The following LRMDA variants were observed in gnomAD, a reference collection of about 807,000 sequenced individuals.
The protein encoded by LRMDA is leucine-rich melanocyte differentiation-associated protein.
A neutral mutation model predicts 29.8 loss-of-function variants in LRMDA; 18 were observed. The ratio of observed to expected loss-of-function variants is 0.60; its 90% CI spans 0.42 to 0.90. The LOEUF is 0.90. LRMDA is among the 40% of genes least tolerant of loss of function. LRMDA has a pLI of 0.00. For synonymous variants in LRMDA, 125 were observed against 109.4 expected (o/e 1.14, Z -0.89); for missense variants, 273 against 273.9 (o/e 1.00, Z 0.02).
chr10:76,360,093 A>T (rs1564519702), intron 6 of LRMDA, among the ~76,000 whole-genome samples: 1 of 151,954 alleles, frequency 6.6e-6, no homozygotes, highest in Non-Finnish European at 1.5e-5. Flanking sequence ...GGTTCAAGTG[A>T]TTCTCCTGCC....
intron 2 of LRMDA, among the ~76,000 whole-genome samples, chr10:76,022,240 G>A (rs1847986165): frequency 6.6e-6 from 1 of 152,178 alleles, no homozygotes; most frequent in African/African-American, 2.4e-5. Flanking sequence ...GCCTGGCAGA[G>A]TGTCTAATCC....
rs187048423 is a variant in LRMDA, at chr10:75,587,077, G to A, written c.131+148583G>A. On this transcript the variant is annotated intron_variant, in intron 2 of 6. Transcript: ENST00000611255. ...GACCAATGTCAAGAAGCCTTTCCTC[G>A]GTGTTTTCTTCTAGGAGTTTTACAG... is the stretch of plus-strand genomic sequence containing the variant. 4.6e-5 allele frequency among the ~76,000 whole-genome samples: 7 copies of A among 151,924 alleles called. No individual in the cohort carries two copies. The South Asian group carries it at 1.0e-3, about 23-fold the overall frequency.
At chr10:76,527,418 C>T (rs944790857) in intron 6 of LRMDA, among the ~76,000 whole-genome samples, 1 of 152,150 alleles carries the variant, frequency 6.6e-6, no homozygotes, top group African/African-American at 2.4e-5. Context: ...TACATAACCT[C>T]TCTGCAGATT....
At chr10:75,800,122 T>G (rs747300692) in intron 2 of LRMDA, among the ~76,000 whole-genome samples, 1 of 152,200 alleles carries the variant, frequency 6.6e-6, no homozygotes, top group Non-Finnish European at 1.5e-5. Context: ...TTTCTTCTTT[T>G]ACCTCTGTCT....
intron 5 of LRMDA, among the ~76,000 whole-genome samples, chr10:76,309,485 G>C (rs1057143961): frequency 3.9e-5 from 6 of 152,270 alleles, no homozygotes; most frequent in Admixed American, 2.6e-4. Context: ...AGTGGGAGCA[G>C]ACTCGAGCAG....
At chr10:76,331,600 G>A (rs1393483924) in intron 6 of LRMDA, among the ~76,000 whole-genome samples, 1 of 152,226 alleles carries the variant, frequency 6.6e-6, no homozygotes, top group Non-Finnish European at 1.5e-5. Context: ...ATATGTTTTT[G>A]TCCAGGGGTC....
At chr10:75,848,424 C>T (rs868295357) in intron 2 of LRMDA, among the ~76,000 whole-genome samples, 4 of 152,116 alleles carry the variant, frequency 2.6e-5, no homozygotes, top group South Asian at 4.1e-4. Flanking sequence ...GGAGTGGAGG[C>T]CCATTGCTTC....
At chr10:75,933,150 A>G (rs992316851) in intron 2 of LRMDA, among the ~76,000 whole-genome samples, 1 of 152,144 alleles carries the variant, frequency 6.6e-6, no homozygotes, top group Admixed American at 6.5e-5. Flanking sequence ...AGTTGTGGAC[A>G]GGAACCTTAT....
chr10:76,173,635 A>G (rs1386463113), intron 5 of LRMDA, among the ~76,000 whole-genome samples: 1 of 152,212 alleles, frequency 6.6e-6, no homozygotes, highest in East Asian at 1.9e-4. Flanking sequence ...ACTCCTGACA[A>G]GAAGAAATAG....
At chr10:75,823,525 A>C (rs1384622047) in intron 2 of LRMDA, among the ~76,000 whole-genome samples, 1 of 152,184 alleles carries the variant, frequency 6.6e-6, no homozygotes, top group East Asian at 1.9e-4. Flanking sequence ...CGTTGGTGGG[A>C]ATGTAAATAA....
intron 2 of LRMDA, among the ~76,000 whole-genome samples, chr10:75,646,456 T>A (rs1841522461): frequency 6.6e-6 from 1 of 152,234 alleles, no homozygotes; most frequent in Non-Finnish European, 1.5e-5. Context: ...TGTCAGATCA[T>A]ATGAAACGTC....
chr10:75,453,202 C>CAG (rs565300477), intron 2 of LRMDA, among the ~76,000 whole-genome samples: 1 of 152,186 alleles, frequency 6.6e-6, no homozygotes, highest in Admixed American at 6.5e-5. Context: ...CCTTCAGAGA[C>CAG]AGAGAGAGAA....
chr10:76,366,869 G>A (rs753846683), intron 6 of LRMDA, among the ~76,000 whole-genome samples: 1 of 152,148 alleles, frequency 6.6e-6, no homozygotes, highest in Admixed American at 6.5e-5. Flanking sequence ...TCCTTATTCA[G>A]TATTATGTTG....
chr10:75,560,491 T>A (rs1353356296), intron 2 of LRMDA, among the ~76,000 whole-genome samples: 1 of 151,730 alleles, frequency 6.6e-6, no homozygotes, highest in Admixed American at 6.6e-5. Flanking sequence ...AGGGACAATT[T>A]GACTTCCTCT....
intron 2 of LRMDA, among the ~76,000 whole-genome samples, chr10:75,443,552 A>T (rs1022126165): frequency 2.0e-5 from 3 of 152,132 alleles, no homozygotes; most frequent in Admixed American, 2.0e-4. Context: ...TCCAGGGATA[A>T]ATCCCACTTG....
intron 6 of LRMDA, among the ~76,000 whole-genome samples, chr10:76,478,445 G>T (rs1842701163): frequency 6.6e-6 from 1 of 152,158 alleles, no homozygotes; most frequent in East Asian, 1.9e-4. Context: ...TTACACTGTT[G>T]ATGGGACTGT....
At chr10:75,533,108 T>C (rs1340598153) in intron 2 of LRMDA, among the ~76,000 whole-genome samples, 1 of 152,182 alleles carries the variant, frequency 6.6e-6, no homozygotes, top group Non-Finnish European at 1.5e-5. Flanking sequence ...TTGAAAAGCA[T>C]ATCCTAGTTA....
chr10:75,455,840 G>T (rs1844509874), intron 2 of LRMDA, among the ~76,000 whole-genome samples: 1 of 152,182 alleles, frequency 6.6e-6, no homozygotes, highest in Admixed American at 6.5e-5. Context: ...GGGAGGGCAG[G>T]ATTTTCCATG....
At chr10:76,164,933 C>T (rs1195952205) in intron 5 of LRMDA, among the ~76,000 whole-genome samples, 8 of 152,074 alleles carry the variant, frequency 5.3e-5, no homozygotes, top group South Asian at 2.1e-4. Flanking sequence ...TGTGAGACTA[C>T]GTAATTTATA....
Sources: gnomAD v4.1 joint callset for allele counts (sites outside exome capture counted in the v4.1 genomes callset) on GRCh38, gnomAD v4.1.1 for gene constraint, MANE v1.5 for transcripts, NCBI Gene and HGNC (gene_info 2026-07-23, HGNC 2026-07-21) for gene names.